Variants in POU6F2 observed in about 807,000 individuals in gnomAD.
POU6F2 encodes POU class 6 homeobox 2.
Under a neutral mutation model 71.3 loss-of-function variants are expected in POU6F2, and 31 were observed. The observed-to-expected ratio is 0.43, with a 90% CI of 0.33 to 0.59. The LOEUF (loss-of-function observed/expected upper bound fraction) is 0.59, where lower values mean the gene tolerates loss of function less well. POU6F2 is among the 20% of genes least tolerant of loss of function. POU6F2 has a pLI of 0.04. For missense variants in POU6F2, 783 were observed against 856.8 expected (o/e 0.91, Z 1.07); for synonymous variants, 347 against 355.7 (o/e 0.98, Z 0.27).
chr7:39,042,696 C>T (rs571260952), intron 1 of POU6F2, among the ~76,000 whole-genome samples: 1 of 152,106 alleles, frequency 6.6e-6, no homozygotes, highest in South Asian at 2.1e-4. Context: ...TAATGTCAGC[C>T]TCTTTAGAGG....
In POU6F2 at chr7:39,373,783, G is replaced by T. The variant is rs182905726; in HGVS notation, c.973-32817G>T. ...AAATCAAGGTGTTGAGAGAGCAAAGGTATCTGTATCTGTGTCCTCTATAAT... is the reference window on the plus strand; with the variant it reads ...AAATCAAGGTGTTGAGAGAGCAAAGTTATCTGTATCTGTGTCCTCTATAAT... On this transcript the variant is annotated intron_variant, in intron 5 of 9. Transcript: ENST00000518318. 6 of 299,026 alleles carry T rather than the reference G, an allele frequency of 2.0e-5. No individual in the cohort carries two copies. In the East Asian group the frequency reaches 4.5e-4, roughly 23 times the overall value. 18.5% of individuals were successfully genotyped at this position (299,026 alleles called of 1,614,324 possible).
At chr7:39,308,380 C>T (rs1046031202) in intron 4 of POU6F2, among the ~76,000 whole-genome samples, 25 of 152,164 alleles carry the variant, frequency 1.6e-4, no homozygotes, top group Admixed American at 3.9e-4. Context: ...ATCAGGAGGA[C>T]ATGGTGTGAG....
intron 4 of POU6F2, among the ~76,000 whole-genome samples, chr7:39,209,476 G>A (rs1280006461): frequency 6.6e-6 from 1 of 152,162 alleles, no homozygotes; most frequent in Non-Finnish European, 1.5e-5. Context: ...ACGTTGGAGG[G>A]AAGGTGATGA....
chr7:39,416,093 T>TACACACACAC (rs57579748), intron 6 of POU6F2, among the ~76,000 whole-genome samples: 2,411 of 139,268 alleles, frequency 0.017, 41 homozygotes, highest in Non-Finnish European at 0.025. Context: ...CTCGAAGGCA[T>TACACACACAC]ACACACACAC....
chr7:39,409,123 C>T (rs1178723486), intron 6 of POU6F2, among the ~76,000 whole-genome samples: 1 of 152,208 alleles, frequency 6.6e-6, no homozygotes, highest in African/African-American at 2.4e-5. Context: ...TTACTCCACC[C>T]AGCCCATTTT....
intron 4 of POU6F2, among the ~76,000 whole-genome samples, chr7:39,248,124 A>C (rs964739778): frequency 1.2e-4 from 19 of 152,170 alleles, no homozygotes; most frequent in African/African-American, 4.3e-4. Flanking sequence ...AAGAAAGCAC[A>C]GTGGCATTAC....
intron 2 of POU6F2, among the ~76,000 whole-genome samples, chr7:39,163,542 C>A (rs1176597235): frequency 6.6e-6 from 1 of 152,054 alleles, no homozygotes; most frequent in African/African-American, 2.4e-5. Flanking sequence ...CTGTCTCTTG[C>A]GTCAATAGTG....
At chr7:39,161,580 G>A (rs573478430) in intron 2 of POU6F2, among the ~76,000 whole-genome samples, 14 of 152,250 alleles carry the variant, frequency 9.2e-5, no homozygotes, top group Non-Finnish European at 2.9e-5. Context: ...TTTGCTCAAG[G>A]TAGCTGACTT....
intron 5 of POU6F2, among the ~76,000 whole-genome samples, chr7:39,364,172 A>G (rs1468999610): frequency 2.6e-5 from 4 of 152,174 alleles, no homozygotes; most frequent in African/African-American, 7.2e-5. Flanking sequence ...TGTCATCCAC[A>G]GGAACGGAAC....
intron 5 of POU6F2, among the ~76,000 whole-genome samples, chr7:39,388,753 GTCTA>G (rs1787000589): frequency 6.6e-6 from 1 of 152,136 alleles, no homozygotes; most frequent in African/African-American, 2.4e-5. Flanking sequence ...TGTCAAGTGC[GTCTA>G]TCTATTCTGG....
intron 7 of POU6F2, among the ~76,000 whole-genome samples, chr7:39,446,623 T>C (rs1788529216): frequency 6.6e-6 from 1 of 152,234 alleles, no homozygotes; most frequent in South Asian, 2.1e-4. Flanking sequence ...GGTGAATATA[T>C]TAAACACCCT....
At chr7:39,328,686 C>A (rs1785572231) in intron 4 of POU6F2, among the ~76,000 whole-genome samples, 1 of 152,208 alleles carries the variant, frequency 6.6e-6, no homozygotes, top group Admixed American at 6.5e-5. Flanking sequence ...TCAACACCTT[C>A]TCTACTTGTA....
chr7:39,226,034 A>G (rs1451676980), intron 4 of POU6F2, among the ~76,000 whole-genome samples: 2 of 152,110 alleles, frequency 1.3e-5, no homozygotes, highest in Non-Finnish European at 2.9e-5. Context: ...GAATTCACTG[A>G]AGCATATGTT....
intron 4 of POU6F2, among the ~76,000 whole-genome samples, chr7:39,258,069 C>A (rs6967316): frequency 0.66 from 100,681 of 152,062 alleles, 33,736 homozygotes; most frequent in East Asian, 0.97. Context: ...GAAGAATGTG[C>A]TATAAATTGA....
At chr7:39,197,051 A>T (rs1022696395) in intron 2 of POU6F2, among the ~76,000 whole-genome samples, 1 of 152,114 alleles carries the variant, frequency 6.6e-6, no homozygotes, top group African/African-American at 2.4e-5. Flanking sequence ...ATTTCTTTAG[A>T]ATTTGTCTGT....
chr7:39,338,626 G>C (rs1785836779), intron 4 of POU6F2, among the ~76,000 whole-genome samples: 1 of 152,226 alleles, frequency 6.6e-6, no homozygotes, highest in Non-Finnish European at 1.5e-5. Context: ...TCTAAGGCCT[G>C]TGGGTTTGAC....
At chr7:39,053,855 C>G (rs1000657598) in intron 1 of POU6F2, among the ~76,000 whole-genome samples, 6 of 152,026 alleles carry the variant, frequency 3.9e-5, no homozygotes, top group African/African-American at 1.4e-4. Context: ...GTAATCCGAG[C>G]ACTTTGGGAG....
chr7:39,069,032 C>G (rs1790820083), intron 1 of POU6F2, among the ~76,000 whole-genome samples: 1 of 152,110 alleles, frequency 6.6e-6, no homozygotes, highest in African/African-American at 2.4e-5. Context: ...GGAGAGTGGA[C>G]CAAGCATCTG....
intron 2 of POU6F2, among the ~76,000 whole-genome samples, chr7:39,109,168 C>T (rs1791753275): frequency 1.3e-5 from 2 of 152,132 alleles, no homozygotes; most frequent in South Asian, 4.2e-4. Context: ...GTCTCAGCCT[C>T]CTGAGTAGCT....
Sources: allele counts gnomAD v4.1 joint callset (sites outside exome capture counted in the v4.1 genomes callset), GRCh38; gene constraint gnomAD v4.1.1; transcripts MANE v1.5; gene names NCBI Gene and HGNC (gene_info 2026-07-23, HGNC 2026-07-21).